Variants in ZNF536 observed in about 807,000 individuals in gnomAD.
ZNF536 encodes the protein zinc finger protein 536.
Under a neutral mutation model 84.5 loss-of-function variants are expected in ZNF536, and 13 were observed. The observed-to-expected ratio is 0.15, with a 90% CI of 0.10 to 0.24. The LOEUF (loss-of-function observed/expected upper bound fraction) is 0.24, where lower values mean the gene tolerates loss of function less well. ZNF536 is among the 10% of genes least tolerant of loss of function. ZNF536 has a pLI of 1.00. For synonymous variants in ZNF536, 811 were observed against 742.5 expected (o/e 1.09, Z -1.50); for missense variants, 1,536 against 1,747.5 (o/e 0.88, Z 2.16).
At chr19:30,586,109 T>C (rs764796399) in intron 1 of ZNF536, among the ~76,000 whole-genome samples, 1 of 152,220 alleles carries the variant, frequency 6.6e-6, no homozygotes, top group Non-Finnish European at 1.5e-5. Flanking sequence ...CTATGTATAT[T>C]TGGGCAAGTT....
rs2022794403 is a variant in ZNF536 at position 30,228,874 on chromosome 19, G to T, written c.-190+201G>T. ...ACTTTTTTTTTTTCCCCCGTCTGCT[G>T]ACTTTTCGGGCCAGGTGAAGTGTTT... On this transcript the variant is annotated intron_variant, in intron 1 of 5. Coordinates refer to the ZNF536 transcript ENST00000585628. This position sits in a 1 kb window ranked among gnomAD's most constrained non-coding sequence, Gnocchi z 4.5. 6.6e-6 allele frequency among the ~76,000 whole-genome samples: 1 copy of T among 151,510 alleles called. No individual in the cohort carries two copies. Among genetic ancestry groups the T allele is most frequent in the East Asian group, 1.9e-4 (1 of 5,136 alleles).
intron 1 of ZNF536, among the ~76,000 whole-genome samples, chr19:30,235,535 C>T (rs935318560): frequency 2.0e-5 from 3 of 152,216 alleles, no homozygotes; most frequent in East Asian, 1.9e-4. Context: ...AAACAGATCA[C>T]AGCCCACATA....
intron 1 of ZNF536, among the ~76,000 whole-genome samples, chr19:30,635,805 G>T (rs902127148): frequency 8.5e-5 from 13 of 152,324 alleles, no homozygotes; most frequent in Non-Finnish European, 1.8e-4. Context: ...AGATCCATAC[G>T]CTGCCTCTTG....
chr19:30,230,849 C>G (rs556625568), intron 1 of ZNF536, among the ~76,000 whole-genome samples: 3 of 152,298 alleles, frequency 2.0e-5, no homozygotes, highest in East Asian at 1.9e-4. Flanking sequence ...AATTAAACAG[C>G]CTTCCCCAAA....
intron 2 of ZNF536, among the ~76,000 whole-genome samples, chr19:30,509,004 A>T (rs537974755): frequency 1.1e-4 from 17 of 150,036 alleles, no homozygotes; most frequent in African/African-American, 3.9e-4. Flanking sequence ...ACTAATTTTT[A>T]AAAAATTTCT....
intron 2 of ZNF536, among the ~76,000 whole-genome samples, chr19:30,448,848 G>A (rs1686004310): frequency 6.6e-6 from 1 of 152,146 alleles, no homozygotes; most frequent in Non-Finnish European, 1.5e-5. Flanking sequence ...AAAATGTCTT[G>A]CTCAGACCGA....
At chr19:30,372,829 G>GT (rs1555733944) in intron 1 of ZNF536, among the ~76,000 whole-genome samples, 1 of 143,882 alleles carries the variant, frequency 7.0e-6, no homozygotes, top group East Asian at 2.0e-4. Flanking sequence ...TCCATCACCC[G>GT]CCCCCCCCAT....
At chr19:30,268,070 A>G (rs1319791020) in intron 1 of ZNF536, among the ~76,000 whole-genome samples, 1 of 50,870 alleles carries the variant, frequency 2.0e-5, no homozygotes, top group African/African-American at 6.4e-5. Flanking sequence ...TCCCCCTCTC[A>G]TCCTTCCCTC....
At chr19:30,454,755 G>A (rs934944003) in intron 2 of ZNF536, among the ~76,000 whole-genome samples, 3 of 152,124 alleles carry the variant, frequency 2.0e-5, no homozygotes, top group Non-Finnish European at 2.9e-5. Flanking sequence ...ACTTGGGACC[G>A]GGTGTGGTGG....
At chr19:30,424,500 G>C (rs1215970451) in intron 1 of ZNF536, among the ~76,000 whole-genome samples, 1 of 152,182 alleles carries the variant, frequency 6.6e-6, no homozygotes, top group African/African-American at 2.4e-5. Context: ...AGGGATCTGA[G>C]TGTGGGTAAC....
At chr19:30,503,312 A>T (rs2055025229) in intron 2 of ZNF536, among the ~76,000 whole-genome samples, 1 of 152,240 alleles carries the variant, frequency 6.6e-6, no homozygotes, top group African/African-American at 2.4e-5. Flanking sequence ...TAAGAAAAAG[A>T]CAAATCCTCC....
chr19:30,656,637 A>G (rs2049926218), intron 1 of ZNF536, among the ~76,000 whole-genome samples: 1 of 152,194 alleles, frequency 6.6e-6, no homozygotes, highest in Non-Finnish European at 1.5e-5. Context: ...GCAATCATAC[A>G]TCTGCTCTCT....
intron 1 of ZNF536, among the ~76,000 whole-genome samples, chr19:30,685,642 T>C (rs537963349): frequency 1.3e-5 from 2 of 152,196 alleles, no homozygotes; most frequent in Non-Finnish European, 2.9e-5. Context: ...TCTCTGGACC[T>C]CTGGCTTCAA....
At chr19:30,361,760 C>T (rs572579521) in intron 3 of ZNF536, among the ~76,000 whole-genome samples, 29 of 132,948 alleles carry the variant, frequency 2.2e-4, no homozygotes, top group African/African-American at 6.8e-4. Flanking sequence ...TCTTCTGCCA[C>T]GTTCACTCTG....
At chr19:30,540,824 T>C (rs944327206) in intron 3 of ZNF536, among the ~76,000 whole-genome samples, 1 of 152,276 alleles carries the variant, frequency 6.6e-6, no homozygotes. Flanking sequence ...TGACTTGTAC[T>C]CACAAGTGGT....
chr19:30,501,304 G>A (rs1019916268), intron 2 of ZNF536, among the ~76,000 whole-genome samples: 1 of 152,306 alleles, frequency 6.6e-6, no homozygotes, highest in Admixed American at 6.5e-5. Flanking sequence ...AGGAAGCCAA[G>A]GTTTGGAGAA....
chr19:30,591,197 T>C (rs191569872), intron 1 of ZNF536, among the ~76,000 whole-genome samples: 137 of 152,348 alleles, frequency 9.0e-4, no homozygotes, highest in African/African-American at 3.1e-3. Flanking sequence ...ATGGTTATGT[T>C]TGAGATGTCA....
At chr19:30,367,872 G>A (rs1397052786), upstream of ZNF536, among the ~76,000 whole-genome samples, 1 of 152,108 alleles carries the variant, frequency 6.6e-6, no homozygotes, top group Admixed American at 6.6e-5. Context: ...TTCTTCCTGT[G>A]TCCCAGTCCT....
chr19:30,602,410 C>G (rs2047721802), intron 1 of ZNF536, among the ~76,000 whole-genome samples: 1 of 152,214 alleles, frequency 6.6e-6, no homozygotes, highest in African/African-American at 2.4e-5. Context: ...CTTGTGGGCT[C>G]TGTGCTGCGT....
Sources: allele counts gnomAD v4.1 joint callset (sites outside exome capture counted in the v4.1 genomes callset), GRCh38; gene constraint gnomAD v4.1.1; non-coding constraint Gnocchi (gnomAD v3.1); transcripts MANE v1.5; gene names NCBI Gene and HGNC (gene_info 2026-07-23, HGNC 2026-07-21).